CCDC3: variants seen among roughly 807,000 people sequenced by gnomAD.
The protein encoded by CCDC3 is coiled-coil domain containing 3.
A neutral mutation model predicts 21.4 loss-of-function variants in CCDC3; 24 were observed. That is an observed-to-expected ratio of 1.12 (90% confidence interval 0.81 to 1.58). CCDC3 has a LOEUF of 1.58. Among genes scored for constraint, CCDC3 ranks in the 40% most tolerant of loss-of-function variants. The pLI is 0.00. For missense variants in CCDC3, 425 were observed against 360.9 expected (o/e 1.18, Z -1.44); for synonymous variants, 186 against 166.0 (o/e 1.12, Z -0.93).
At chr10:13,053,824 C>T (rs1480184274) in intron 4 of CCDC3, among the ~76,000 whole-genome samples, 1 of 152,074 alleles carries the variant, frequency 6.6e-6, no homozygotes, top group East Asian at 1.9e-4. Context: ...CATCTGGCAC[C>T]ATGTGGCACA....
At chr10:13,060,305 G>A (rs1836739641) in intron 4 of CCDC3, among the ~76,000 whole-genome samples, 1 of 152,112 alleles carries the variant, frequency 6.6e-6, no homozygotes, top group African/African-American at 2.4e-5. Context: ...TTCAGGGAAG[G>A]GGATTGGCTC....
chr10:13,043,006 G>A (rs1314150468), intron 5 of CCDC3, among the ~76,000 whole-genome samples: 2 of 151,388 alleles, frequency 1.3e-5, no homozygotes, highest in Non-Finnish European at 2.9e-5. Context: ...AGTTTACACA[G>A]AAAGGATATA....
intron 4 of CCDC3, among the ~76,000 whole-genome samples, chr10:13,072,867 CTT>C (rs144915227): frequency 0.32 from 37,830 of 117,592 alleles, 4,420 homozygotes; most frequent in Middle Eastern, 0.38. Context: ...TCTTTTCTTT[CTT>C]TTTTTTTTTT....
chr10:12,925,141 A>G (rs1315874888), intron 2 of CCDC3, among the ~76,000 whole-genome samples: 1 of 152,280 alleles, frequency 6.6e-6, no homozygotes, highest in Admixed American at 6.5e-5. Flanking sequence ...CGGTTCCAGG[A>G]GAGCCCAACT....
intron 5 of CCDC3, among the ~76,000 whole-genome samples, chr10:13,028,376 T>A (rs968996226): frequency 1.3e-5 from 2 of 152,202 alleles, no homozygotes; most frequent in Non-Finnish European, 2.9e-5. Context: ...CCATTAAACC[T>A]CTTTTTCTTT....
chr10:12,901,757 G>A (rs1173111802), intron 2 of CCDC3, among the ~76,000 whole-genome samples: 1 of 152,202 alleles, frequency 6.6e-6, no homozygotes, highest in Non-Finnish European at 1.5e-5. Context: ...ATCTCCTAAA[G>A]CCTTTAACTT....
chr10:12,902,967 T>G (rs1205099172), intron 2 of CCDC3, among the ~76,000 whole-genome samples: 1 of 152,006 alleles, frequency 6.6e-6, no homozygotes, highest in Non-Finnish European at 1.5e-5. Flanking sequence ...CAAGCAAAGG[T>G]GAATGTGAAA....
intron 2 of CCDC3, among the ~76,000 whole-genome samples, chr10:12,942,011 C>CT (rs1834839384): frequency 6.6e-6 from 1 of 152,146 alleles, no homozygotes; most frequent in Non-Finnish European, 1.5e-5. Flanking sequence ...TACCTATACC[C>CT]TTCTTTCTTT....
intron 2 of CCDC3, among the ~76,000 whole-genome samples, chr10:12,924,068 T>C (rs1834496354): frequency 6.6e-6 from 1 of 152,228 alleles, no homozygotes; most frequent in African/African-American, 2.4e-5. Context: ...GCTGTAGAAT[T>C]GCCATGGCCT....
chr10:12,978,141 C>T (rs1835443821), intron 2 of CCDC3, among the ~76,000 whole-genome samples: 1 of 152,108 alleles, frequency 6.6e-6, no homozygotes, highest in African/African-American at 2.4e-5. Context: ...GCCTTAGCCT[C>T]CCAAGTAGCT....
intron 3 of CCDC3, among the ~76,000 whole-genome samples, chr10:13,093,606 A>G (rs915193407): frequency 3.3e-5 from 5 of 152,202 alleles, no homozygotes; most frequent in Admixed American, 2.0e-4. Context: ...GAGAGAAGCT[A>G]AGAGGTTATC....
At chr10:12,938,714 G>A (rs114734121) in intron 2 of CCDC3, among the ~76,000 whole-genome samples, 3,507 of 152,186 alleles carry the variant, frequency 0.023, 154 homozygotes, top group African/African-American at 0.081. Flanking sequence ...CTGATTGCTC[G>A]TGCCTTCACT....
At chr10:12,959,677 T>C (rs1045378435) in intron 2 of CCDC3, among the ~76,000 whole-genome samples, 9 of 152,066 alleles carry the variant, frequency 5.9e-5, no homozygotes, top group Admixed American at 5.9e-4. Context: ...AACCATTCCC[T>C]CCAAACTCCT....
In CCDC3 at chr10:13,089,603, ACT is replaced by A. The variant is rs535282878; in HGVS notation, c.-503+8920_-503+8921del. On this transcript the variant is annotated intron_variant, in intron 3 of 6. Transcript: ENST00000378839. ...GATGCTCCCTCTTCTCTCCTCTCCA[ACT>A]TTTTATTTTCTTTCAGCACCCCCCC... Among the ~76,000 whole-genome samples, 204 of 151,666 alleles carry A rather than the reference ACT, an allele frequency of 1.3e-3. 1 individual carries two copies. Among genetic ancestry groups the A allele is most frequent in the African/African-American group, 4.5e-3 (187 of 41,298 alleles).
At chr10:13,021,598 A>C (rs1247767510) in intron 5 of CCDC3, among the ~76,000 whole-genome samples, 1 of 152,138 alleles carries the variant, frequency 6.6e-6, no homozygotes, top group African/African-American at 2.4e-5. Flanking sequence ...AGAAATTCAG[A>C]ATGATCTGCC....
intron 2 of CCDC3, among the ~76,000 whole-genome samples, chr10:12,970,987 C>T (rs376536691): frequency 1.1e-3 from 170 of 152,210 alleles, no homozygotes; most frequent in African/African-American, 3.9e-3. Context: ...TACTTCTCAA[C>T]GTTCATTTTT....
intron 2 of CCDC3, among the ~76,000 whole-genome samples, chr10:12,997,021 G>A (rs1044804183): frequency 6.6e-5 from 10 of 152,032 alleles, no homozygotes; most frequent in African/African-American, 2.4e-4. Flanking sequence ...AACCCCAGTG[G>A]CACGCAATTT....
chr10:13,091,271 T>A (rs1832564592), intron 3 of CCDC3, among the ~76,000 whole-genome samples: 1 of 152,110 alleles, frequency 6.6e-6, no homozygotes. Context: ...CTGATCAAGT[T>A]GACACTCAAT....
chr10:12,998,079 A>G (rs1408090412), intron 2 of CCDC3, among the ~76,000 whole-genome samples: 2 of 152,174 alleles, frequency 1.3e-5, no homozygotes, highest in Non-Finnish European at 1.5e-5. Context: ...CAGCATGCCA[A>G]TCTTCATCTC....
Sources: allele counts gnomAD v4.1 joint callset (sites outside exome capture counted in the v4.1 genomes callset), GRCh38; gene constraint gnomAD v4.1.1; transcripts MANE v1.5; gene names NCBI Gene and HGNC (gene_info 2026-07-23, HGNC 2026-07-21).